CTNNA3: variants seen among roughly 807,000 people sequenced by gnomAD.
CTNNA3 encodes the protein catenin alpha-3.
CTNNA3 carries 76 observed loss-of-function variants against 95.7 expected under a neutral mutation model. The observed-to-expected ratio is 0.79, with a 90% CI of 0.66 to 0.96. The LOEUF (loss-of-function observed/expected upper bound fraction) is 0.96, where lower values mean the gene tolerates loss of function less well. CTNNA3 is among the 40% of genes least tolerant of loss of function. CTNNA3 has a pLI of 0.00. For missense variants in CTNNA3, 1,191 were observed against 1,089.8 expected (o/e 1.09, Z -1.31); for synonymous variants, 431 against 374.4 (o/e 1.15, Z -1.74).
chr10:66,917,632 T>A (rs1846563239), intron 7 of CTNNA3, among the ~76,000 whole-genome samples: 1 of 152,196 alleles, frequency 6.6e-6, no homozygotes, highest in Non-Finnish European at 1.5e-5. Context: ...AAATCAAGAT[T>A]GTCTATTATC....
At position 67,302,864 on chromosome 10, in the gene CTNNA3, A is replaced by G. The variant is rs1407131875; in HGVS notation, c.580-82994T>C. 3.3e-5 allele frequency among the ~76,000 whole-genome samples: 5 copies of G among 152,238 alleles called. No homozygotes were observed. In the East Asian group the frequency reaches 9.6e-4, roughly 29 times the overall value. On this transcript the variant is annotated intron_variant, in intron 5 of 17. Coordinates refer to ENST00000433211, the MANE Select transcript of CTNNA3 (RefSeq NM_013266.4). ...ATTAAACAGATGGTATAACCAAATTAGAATAATTGAAAAAGGATTGAATAA... is the reference window on the plus strand; with the variant it reads ...ATTAAACAGATGGTATAACCAAATTGGAATAATTGAAAAAGGATTGAATAA...
chr10:66,463,377 C>G (rs1247664170), intron 11 of CTNNA3, among the ~76,000 whole-genome samples: 1 of 152,170 alleles, frequency 6.6e-6, no homozygotes. Context: ...GTGGGGGCAG[C>G]CTGAGGCCCT....
intron 5 of CTNNA3, among the ~76,000 whole-genome samples, chr10:67,367,405 C>CA (rs368044423): frequency 0.028 from 4,054 of 142,342 alleles, 142 homozygotes; most frequent in African/African-American, 0.089. Context: ...AATAAAAAGT[C>CA]AAAAAAAAAA....
At chr10:67,639,001 G>C (rs370272902) in intron 2 of CTNNA3, among the ~76,000 whole-genome samples, 5 of 151,930 alleles carry the variant, frequency 3.3e-5, no homozygotes, top group South Asian at 2.1e-4. Flanking sequence ...CAAGAAATAA[G>C]TAAGATCAGA....
chr10:65,927,984 C>T (rs895903817), intron 17 of CTNNA3, among the ~76,000 whole-genome samples: 2 of 152,068 alleles, frequency 1.3e-5, no homozygotes, highest in Non-Finnish European at 2.9e-5. Context: ...ATTCTTTTTA[C>T]ATTTTAGGAA....
At chr10:67,321,915 T>G (rs1401680884) in intron 5 of CTNNA3, among the ~76,000 whole-genome samples, 1 of 152,090 alleles carries the variant, frequency 6.6e-6, no homozygotes, top group Non-Finnish European at 1.5e-5. Flanking sequence ...GGTGGAATAT[T>G]TGTGTCATAT....
At chr10:66,211,527 C>T (rs183168479) in intron 13 of CTNNA3, among the ~76,000 whole-genome samples, 206 of 152,246 alleles carry the variant, frequency 1.4e-3, no homozygotes, top group Non-Finnish European at 2.5e-3. Context: ...GGCCTGGAGC[C>T]TAATTCACAT....
rs1839824034 is a variant in CTNNA3, at chr10:66,488,801, C to T, written c.1531+31816G>A. ...AGAGATTTTTTTTTAATTGATCATG[C>T]CTCTCCAAAAAAGCCTAGAGCAAGG... On this transcript the variant is annotated intron_variant, in intron 11 of 17. Coordinates refer to ENST00000433211, the MANE Select transcript of CTNNA3 (RefSeq NM_013266.4). 2.6e-5 allele frequency among the ~76,000 whole-genome samples: 4 copies of T among 151,444 alleles called. No individual in the cohort carries two copies. The South Asian group carries it at 8.4e-4, about 32-fold the overall frequency.
intron 13 of CTNNA3, among the ~76,000 whole-genome samples, chr10:66,138,457 G>A (rs1589523126): frequency 1.3e-5 from 2 of 152,220 alleles, no homozygotes; most frequent in South Asian, 4.1e-4. Flanking sequence ...TTTTGTTGAG[G>A]CAAAGAAAAC....
At chr10:67,648,630 G>GA in intron 1 of CTNNA3, 1 of 807,156 alleles carries the variant, frequency 1.2e-6, no homozygotes, top group Admixed American at 3.4e-5. Flanking sequence ...TCTATTAAGT[G>GA]AAAAGATATT....
At position 66,360,599 on chromosome 10, in the gene CTNNA3, C is replaced by CTTTCTTTT. The variant is rs1564895727; in HGVS notation, c.1732+18552_1732+18553insAAAAGAAA. Among the ~76,000 whole-genome samples, 8 of 47,564 alleles carry CTTTCTTTT rather than the reference C, an allele frequency of 1.7e-4. No individual in the cohort carries two copies. In the South Asian group the frequency reaches 7.5e-3, roughly 45 times the overall value. The allele number at this position is 47,564 out of a possible 152,430, so 31.2% of individuals were successfully genotyped here. On this transcript the variant is annotated intron_variant, in intron 12 of 17. Coordinates refer to ENST00000433211, the MANE Select transcript of CTNNA3 (RefSeq NM_013266.4). ...CTTACCTCTAATGTATTCTTTCCTT[C>CTTTCTTTT]TTTCTTTCTTTCTTTCTTTCTTTCT...
intron 5 of CTNNA3, among the ~76,000 whole-genome samples, chr10:67,302,850 G>A (rs1840381252): frequency 6.6e-6 from 1 of 152,078 alleles, no homozygotes; most frequent in Non-Finnish European, 1.5e-5. Context: ...TTAAACAGAT[G>A]GTATAACCAA....
At chr10:67,225,282 C>T (rs919750060) in intron 5 of CTNNA3, among the ~76,000 whole-genome samples, 2 of 152,192 alleles carry the variant, frequency 1.3e-5, no homozygotes, top group Non-Finnish European at 2.9e-5. Context: ...TGGTCCTTCC[C>T]TATCCACCCT....
chr10:67,329,722 T>G (rs951471216), intron 5 of CTNNA3, among the ~76,000 whole-genome samples: 2 of 152,218 alleles, frequency 1.3e-5, no homozygotes, highest in African/African-American at 4.8e-5. Context: ...GTGAAGCTAC[T>G]TACAATCCAC....
chr10:67,638,542 T>C (rs1327852293), intron 2 of CTNNA3, among the ~76,000 whole-genome samples: 3 of 152,134 alleles, frequency 2.0e-5, no homozygotes, highest in Non-Finnish European at 4.4e-5. Context: ...CCACCCCAAA[T>C]CAACAGAATA....
chr10:66,428,014 C>T (rs1053932404), intron 11 of CTNNA3, among the ~76,000 whole-genome samples: 6 of 152,040 alleles, frequency 3.9e-5, no homozygotes, highest in East Asian at 1.9e-4. Flanking sequence ...ACCCATCTCA[C>T]GTGCAGAGAC....
chr10:66,986,475 C>T (rs879864889), intron 7 of CTNNA3, among the ~76,000 whole-genome samples: 30 of 150,164 alleles, frequency 2.0e-4, no homozygotes, highest in Admixed American at 3.3e-4. Context: ...CCAGCCTCAG[C>T]GACAGAGCAA....
chr10:66,950,071 T>C (rs1329664864), intron 7 of CTNNA3, among the ~76,000 whole-genome samples: 1 of 152,176 alleles, frequency 6.6e-6, no homozygotes, highest in Non-Finnish European at 1.5e-5. Context: ...AAACCATGAT[T>C]TACCACTCTT....
chr10:66,515,775 G>T (rs116009961), intron 11 of CTNNA3, among the ~76,000 whole-genome samples: 1,582 of 152,078 alleles, frequency 0.01, 28 homozygotes, highest in African/African-American at 0.037. Flanking sequence ...GATCTCGTGA[G>T]AATTAACCTC....
Sources: allele counts gnomAD v4.1 joint callset (sites outside exome capture counted in the v4.1 genomes callset), GRCh38; gene constraint gnomAD v4.1.1; transcripts MANE v1.5; gene names NCBI Gene and HGNC (gene_info 2026-07-23, HGNC 2026-07-21).